Variants in ERBB4 observed in about 807,000 individuals in gnomAD.
The protein encoded by ERBB4 is receptor tyrosine-protein kinase erbB-4.
Under a neutral mutation model 158.0 loss-of-function variants are expected in ERBB4, and 42 were observed. The observed-to-expected ratio is 0.27, with a 90% CI of 0.21 to 0.34. The LOEUF is 0.34. Among genes scored for constraint, ERBB4 ranks in the 10% least tolerant of loss-of-function variants. The probability of loss-of-function intolerance (pLI) is 1.00; values close to 1 mark genes in which losing one functional copy is unlikely to be tolerated. For missense variants in ERBB4, 1,333 were observed against 1,624.1 expected, an observed-to-expected ratio of 0.82 and a Z score of 3.08; for synonymous variants, 583 against 558.7, an observed-to-expected ratio of 1.04 and a Z score of -0.61.
chr2:212,522,893 G>A (rs1427995892), intron 1 of ERBB4, among the ~76,000 whole-genome samples: 3 of 152,066 alleles, frequency 2.0e-5, no homozygotes, highest in Admixed American at 6.6e-5. Context: ...TACCAGCAAC[G>A]GGCTTGGTGC....
chr2:211,539,296 A>G (rs1321689463), intron 20 of ERBB4, among the ~76,000 whole-genome samples: 1 of 151,946 alleles, frequency 6.6e-6, no homozygotes, highest in African/African-American at 2.4e-5. Flanking sequence ...AGAATTGAAA[A>G]ACCATAATTG....
chr2:212,169,353 T>C (rs1412835911), intron 1 of ERBB4, among the ~76,000 whole-genome samples: 4 of 152,066 alleles, frequency 2.6e-5, no homozygotes, highest in African/African-American at 9.7e-5. Context: ...AATAAGTTTA[T>C]ACATACACTT....
At chr2:211,783,549 C>T (rs2076085436) in intron 4 of ERBB4, among the ~76,000 whole-genome samples, 1 of 152,120 alleles carries the variant, frequency 6.6e-6, no homozygotes, top group African/African-American at 2.4e-5. Context: ...CCCATCAGTA[C>T]CTAATTTATT....
At chr2:211,615,586 C>T (rs1313732931) in intron 19 of ERBB4, among the ~76,000 whole-genome samples, 1 of 152,040 alleles carries the variant, frequency 6.6e-6, no homozygotes, top group Admixed American at 6.6e-5. Context: ...AGAGTAACAG[C>T]CCTGGGTGAC....
chr2:212,118,031 G>C (rs1469949793), intron 2 of ERBB4, among the ~76,000 whole-genome samples: 1 of 152,064 alleles, frequency 6.6e-6, no homozygotes, highest in South Asian at 2.1e-4. Flanking sequence ...ATGCTATGCA[G>C]CAGACAGCTT....
chr2:212,074,072 A>T (rs186704928), intron 2 of ERBB4, among the ~76,000 whole-genome samples: 1 of 152,046 alleles, frequency 6.6e-6, no homozygotes, highest in African/African-American at 2.4e-5. Flanking sequence ...GCCTATGTAC[A>T]TTCTACTGAA....
chr2:212,193,443 G>A (rs1054302467), intron 1 of ERBB4, among the ~76,000 whole-genome samples: 25 of 152,018 alleles, frequency 1.6e-4, no homozygotes, highest in African/African-American at 3.4e-4. Context: ...TACCTGCTGG[G>A]TCACATATAG....
intron 2 of ERBB4, among the ~76,000 whole-genome samples, chr2:212,050,209 A>G (rs2125393535): frequency 6.6e-6 from 1 of 152,152 alleles, no homozygotes; most frequent in East Asian, 1.9e-4. Context: ...TGTCTGAATA[A>G]CTCCATGACT....
At chr2:212,058,365 G>T (rs994319118) in intron 2 of ERBB4, among the ~76,000 whole-genome samples, 3 of 152,004 alleles carry the variant, frequency 2.0e-5, no homozygotes, top group Non-Finnish European at 4.4e-5. Flanking sequence ...TGAGGTACAA[G>T]GAGGAACTCA....
intron 1 of ERBB4, among the ~76,000 whole-genome samples, chr2:212,483,497 A>T (rs1689814867): frequency 6.6e-6 from 1 of 152,212 alleles, no homozygotes. Context: ...TTTCTTACGT[A>T]TTTGTACCTA....
chr2:211,390,972 T>C (rs1374810642), intron 25 of ERBB4, among the ~76,000 whole-genome samples: 1 of 152,156 alleles, frequency 6.6e-6, no homozygotes, highest in African/African-American at 2.4e-5. Context: ...CCTCATTCAC[T>C]TCCCCGTGGA....
chr2:211,935,768 T>C, intron 3 of ERBB4, among the ~76,000 whole-genome samples: 1 of 152,216 alleles, frequency 6.6e-6, no homozygotes. Flanking sequence ...TCTGTATCTA[T>C]ATCCTATTGG....
At position 211,709,304 on chromosome 2, in the gene ERBB4, T is replaced by TGA. The variant is rs368439466; in HGVS notation, c.1124+2744_1124+2745dup. Among the ~76,000 whole-genome samples the TGA allele has an allele frequency of 4.3e-3, 599 of 140,338 alleles. 2 individuals are homozygous for TGA. Among genetic ancestry groups the TGA allele is most frequent in the African/African-American group, 0.014 (499 of 35,892 alleles). The allele number at this position is 140,338 out of a possible 152,430, so 92.1% of individuals were successfully genotyped here. A position where few individuals can be genotyped will look rare whatever the true frequency, so the allele number is the denominator to read the frequency against. On this transcript the variant is annotated intron_variant, in intron 9 of 27. Coordinates refer to ENST00000342788, the MANE Select transcript of ERBB4 (RefSeq NM_005235.3). Reference sequence around the variant, plus strand: ...ACATATATATATACATATATATATATGAGAGAGAGAGAGAGAGAGTAATTT... The same window carrying TGA: ...ACATATATATATACATATATATATATGAGAGAGAGAGAGAGAGAGAGTAATTT...
intron 19 of ERBB4, among the ~76,000 whole-genome samples, chr2:211,596,304 C>T (rs780442392): frequency 7.2e-5 from 11 of 151,828 alleles, no homozygotes; most frequent in Non-Finnish European, 1.0e-4. Context: ...AGAGGAAGTA[C>T]ATGAAATGGT....
At chr2:212,107,057 CCAAA>C (rs551032782) in intron 2 of ERBB4, among the ~76,000 whole-genome samples, 17 of 152,302 alleles carry the variant, frequency 1.1e-4, no homozygotes, top group South Asian at 6.2e-4. Flanking sequence ...GTGGGTGCCC[CCAAA>C]CAAAGTCCCC....
At chr2:211,855,365 T>C (rs2077829661) in intron 3 of ERBB4, among the ~76,000 whole-genome samples, 1 of 152,218 alleles carries the variant, frequency 6.6e-6, no homozygotes, top group African/African-American at 2.4e-5. Flanking sequence ...ATCAATCTTT[T>C]GCTTCATAAT....
At position 211,921,395 on chromosome 2, in the gene ERBB4, G is replaced by A. The variant is rs116653700; in HGVS notation, c.421+26035C>T. Reference sequence around the variant, plus strand: ...TGAATGTGGGGTTAGGATAAGACTTGTTTTTTGAGCTTAAAAAAAATAGGA... The same window carrying A: ...TGAATGTGGGGTTAGGATAAGACTTATTTTTTGAGCTTAAAAAAAATAGGA... On this transcript the variant is annotated intron_variant, in intron 3 of 27. Coordinates refer to ENST00000342788, the MANE Select transcript of ERBB4 (RefSeq NM_005235.3). 3.8e-3 allele frequency among the ~76,000 whole-genome samples: 575 copies of A among 151,940 alleles called. 4 individuals are homozygous for A. The highest frequency in any genetic ancestry group is 6.5e-3 in the Non-Finnish European group (442 of 67,874).
chr2:212,438,383 C>A (rs1317589701), intron 1 of ERBB4, among the ~76,000 whole-genome samples: 4 of 152,034 alleles, frequency 2.6e-5, no homozygotes, highest in African/African-American at 9.7e-5. Flanking sequence ...AAGCTACTGG[C>A]AAAATTCCTG....
chr2:211,595,515 A>C (rs2068603414), intron 19 of ERBB4, among the ~76,000 whole-genome samples: 1 of 152,174 alleles, frequency 6.6e-6, no homozygotes, highest in South Asian at 2.1e-4. Context: ...AAAAGTACAA[A>C]TATAAAGCAT....
Sources: allele counts gnomAD v4.1 joint callset (sites outside exome capture counted in the v4.1 genomes callset), GRCh38; gene constraint gnomAD v4.1.1; transcripts MANE v1.5; gene names NCBI Gene and HGNC (gene_info 2026-07-23, HGNC 2026-07-21).